GAA: variants seen among roughly 807,000 people sequenced by gnomAD.
GAA encodes lysosomal alpha-glucosidase.
In GAA, 88 loss-of-function variants were observed where a neutral mutation model predicts 103.9. The ratio of observed to expected loss-of-function variants is 0.85; its 90% CI spans 0.71 to 1.01. GAA has a LOEUF of 1.01. Among genes scored for constraint, GAA ranks in the 50% least tolerant of loss-of-function variants. The pLI is 0.00. For synonymous variants in GAA, 572 were observed against 563.1 expected, an observed-to-expected ratio of 1.02 and a Z score of -0.22; for missense variants, 1,350 against 1,305.3, an observed-to-expected ratio of 1.03 and a Z score of -0.53.
In GAA at chr17:80,110,727, G is replaced by A. The variant is rs769574574; in HGVS notation, c.1438G>A (p.Val480Ile). 8.7e-6 allele frequency: 14 copies of A among 1,613,688 alleles called. No individual in the cohort carries two copies. The South Asian group carries it at 9.9e-5, about 11-fold the overall frequency. The change falls in exon 10 of 20, where the codon GTA becomes ATA. Residue 480 changes from valine to isoleucine, a missense_variant and splice_region_variant. By Grantham distance (29) the Val-to-Ile change is conservative (BLOSUM62 3). Transcript: ENST00000302262. ...CCCACTGCAGCCTCTCGTTGTCCAG[G>A]TATGGCCCGGGTCCACTGCCTTCCC... ...NETGQPLIGK[V>I]WPGSTAFPDF...
intron 19 of GAA, among the ~76,000 whole-genome samples, 192 bp downstream of exon 19, chr17:80,118,997 G>A (rs149867869): frequency 1.7e-3 from 257 of 152,336 alleles, no homozygotes; most frequent in Middle Eastern, 6.8e-3. Flanking sequence ...CTACACGTGG[G>A]TGATGGGGCC....
chr17:80,102,323 T>C (rs995763015), intron 1 of GAA: 1 of 152,260 alleles, frequency 6.6e-6, no homozygotes, highest in African/African-American at 2.4e-5. Flanking sequence ...CTCTGGTCTT[T>C]GTCCCTGGTT....
chr17:80,105,715 G>A lies in GAA; in HGVS notation c.547-34G>A, dbSNP rs1429324086. On this transcript the variant is annotated intron_variant, in intron 2 of 19. Coordinates refer to ENST00000302262, the MANE Select transcript of GAA (RefSeq NM_000152.5). ...TTGTTCTCTGGAGAGTAAGGTGGCT[G>A]TGGGGAACATCAATAAACCCCCATC... 6 of 1,610,136 alleles carry A rather than the reference G, an allele frequency of 3.7e-6. No individual in the cohort carries two copies. In the African/African-American group the frequency reaches 5.3e-5, roughly 14 times the overall value.
In GAA at chr17:80,104,946, C is replaced by A; in HGVS notation, c.360C>A (p.Ala120=). 2 of 1,612,468 alleles carry A rather than the reference C, an allele frequency of 1.2e-6. No homozygotes were observed. The highest frequency in any genetic ancestry group is 1.7e-6 in the Non-Finnish European group (2 of 1,179,824). ...CTGCAAAGCAGGGGCTGCAGGGAGC[C>A]CAGATGGGGCAGCCCTGGTGCTTCT... The part of the protein sequence containing the change: ...YIPAKQGLQG[A]QMGQPWCFFP... The change falls in exon 2 of 20, where the codon GCC becomes GCA. Residue 120 remains alanine (A), a synonymous_variant. Coordinates refer to ENST00000302262, the MANE Select transcript of GAA (RefSeq NM_000152.5). The surrounding 1 kb of genome is among the most constrained non-coding windows in gnomAD (Gnocchi z 4.0).
chr17:80,113,715 A>T (rs2039300679), intron 15 of GAA, among the ~76,000 whole-genome samples: 1 of 152,142 alleles, frequency 6.6e-6, no homozygotes, highest in Non-Finnish European at 1.5e-5. Flanking sequence ...TAAATAGTTA[A>T]TGTCAAAAAT....
chr17:80,103,285 C>G (rs953053635), intron 1 of GAA, among the ~76,000 whole-genome samples: 1 of 152,236 alleles, frequency 6.6e-6, no homozygotes, highest in Non-Finnish European at 1.5e-5. Flanking sequence ...GCCCGTTCCT[C>G]AGAGACGCAG....
Position 80,117,683 on chromosome 17 carries a change from G to T in GAA, c.2415G>T (p.Val805=), listed in dbSNP as rs150536507. 3 of 1,612,436 alleles carry T rather than the reference G, an allele frequency of 1.9e-6. No homozygotes were observed. The African/African-American group carries it at 4.0e-5, about 22-fold the overall frequency. ...EPAIHSEGQW[V]TLPAPLDTIN... ...CCATCCACAGCGAGGGGCAGTGGGT[G>T]ACGCTGCCGGCCCCCCTGGACACCA... The change falls in exon 17 of 20, where the codon GTG becomes GTT. Residue 805 remains valine (V), a synonymous_variant. Coordinates refer to ENST00000302262, the MANE Select transcript of GAA (RefSeq NM_000152.5).
chr17:80,117,031 C>T lies in GAA; in HGVS notation c.2253C>T (p.Leu751=), dbSNP rs140441758. ...AGCTCCTGTGGGGGGAGGCCCTGCT[C>T]ATCACCCCAGTGCTCCAGGCCGGGA... ...DHQLLWGEAL[L]ITPVLQAGKA... The change falls in exon 16 of 20, where the codon CTC becomes CTT. Residue 751 remains leucine, a synonymous_variant. Coordinates refer to ENST00000302262, the MANE Select transcript of GAA (RefSeq NM_000152.5). The T allele has an allele frequency of 2.9e-5, 47 of 1,613,528 alleles. No homozygotes were observed. In the African/African-American group the frequency reaches 5.1e-4, roughly 17 times the overall value.
intron 15 of GAA, among the ~76,000 whole-genome samples, chr17:80,113,688 A>G (rs1444640814): frequency 6.6e-6 from 1 of 152,354 alleles, no homozygotes; most frequent in South Asian, 2.1e-4. Flanking sequence ...CCATAGAAAC[A>G]TAAGTTCCAG....
At position 80,112,913 on chromosome 17, in the gene GAA, C is replaced by G. The variant is rs1346499760; in HGVS notation, c.1926C>G (p.Val642=). The G allele has an allele frequency of 6.2e-7, 1 of 1,610,400 alleles. No homozygotes were observed. Among genetic ancestry groups the G allele is most frequent in the Non-Finnish European group, 8.5e-7 (1 of 1,178,732 alleles). The change falls in exon 14 of 20, where the codon GTC becomes GTG. Residue 642 remains valine (V), a synonymous_variant. Transcript: ENST00000302262. Reference sequence around the variant, plus strand: ...TTAACCTGCTGGGGGTGCCTCTGGTCGGGGCCGACGTCTGCGGCTTCCTGG... The same window carrying G: ...TTAACCTGCTGGGGGTGCCTCTGGTGGGGGCCGACGTCTGCGGCTTCCTGG... ...LQFNLLGVPL[V]GADVCGFLGN...
intron 3 of GAA, 69 bp downstream of exon 3, chr17:80,105,963 C>A (rs944944668): frequency 7.2e-6 from 11 of 1,521,348 alleles, no homozygotes; most frequent in Non-Finnish European, 8.8e-6. Flanking sequence ...CAGGGAGGGC[C>A]ACACGCGTTT....
intron 8 of GAA, 132 bp from the exon 9 acceptor site, chr17:80,109,813 G>C: frequency 1.5e-6 from 1 of 678,368 alleles, no homozygotes; most frequent in East Asian, 2.7e-5. Context: ...GCATGTGCAG[G>C]TACACAGGCA....
chr17:80,117,725 GGCT>G lies in GAA; in HGVS notation c.2459_2461del (p.Ala820del), dbSNP rs1182634884. The G allele has an allele frequency of 8.1e-6, 13 of 1,611,134 alleles. No individual in the cohort carries two copies. Among genetic ancestry groups the G allele is most frequent in the Non-Finnish European group, 1.1e-5 (13 of 1,179,452 alleles). ...TGGACACCATCAACGTCCACCTCCG[GGCT>G]GGGTACATCATCCCCCTGCAGGTAC... On this transcript the variant is annotated inframe_deletion, in exon 17 of 20. Coordinates refer to ENST00000302262, the MANE Select transcript of GAA (RefSeq NM_000152.5).
rs1475558767 is a variant in GAA at position 80,103,865 on chromosome 17, G to C, written c.-32-690G>C. Among the ~76,000 whole-genome samples, 4 of 152,202 alleles carry C rather than the reference G, an allele frequency of 2.6e-5. No individual in the cohort carries two copies. The East Asian group carries it at 7.7e-4, about 29-fold the overall frequency. On this transcript the variant is annotated intron_variant, in intron 1 of 19. Coordinates refer to ENST00000302262, the MANE Select transcript of GAA (RefSeq NM_000152.5). ...CCCACTGTGGTATGTCCGTGCACCA[G>C]TCAATAGGAAAGGGAGCAAGGAAAG...
At position 80,107,572 on chromosome 17, in the gene GAA, G is replaced by A. The variant is rs1308198041; in HGVS notation, c.708G>A (p.Val236=). ...LDGRVLLNTT[V]APLFFADQFL... ...TGTCCCGCAGGCTGAACACGACGGT[G>A]GCGCCCCTGTTCTTTGCGGACCAGT... The change falls in exon 4 of 20, where the codon GTG becomes GTA. Residue 236 remains valine, a synonymous_variant. Coordinates refer to ENST00000302262, the MANE Select transcript of GAA (RefSeq NM_000152.5). The A allele has an allele frequency of 6.2e-7, 1 of 1,613,112 alleles. No individual in the cohort carries two copies. The highest frequency in any genetic ancestry group is 1.1e-5 in the South Asian group (1 of 91,084).
chr17:80,118,136 A>T, intron 17 of GAA, 57 bp from the exon 18 acceptor site: 1 of 1,589,282 alleles, frequency 6.3e-7, no homozygotes, highest in Non-Finnish European at 8.6e-7. Context: ...CGGGCCCTGG[A>T]GGCCTCCACC....
chr17:80,106,250 C>A (rs1013817330), intron 3 of GAA, among the ~76,000 whole-genome samples: 1 of 152,216 alleles, frequency 6.6e-6, no homozygotes, highest in African/African-American at 2.4e-5. Context: ...TGTCCACGCA[C>A]TGACCCTCCG....
intron 10 of GAA, 36 bp downstream of exon 10, chr17:80,110,876 T>C: frequency 6.2e-7 from 1 of 1,610,086 alleles, no homozygotes; most frequent in South Asian, 1.1e-5. Flanking sequence ...CCCCAAGGCC[T>C]CTGGGGACTA....
rs786204304 is a variant in GAA at position 80,117,727 on chromosome 17, C to T, written c.2459C>T (p.Ala820Val). The change falls in exon 17 of 20, where the codon GCT (alanine) becomes GTT (valine). Residue 820 changes from alanine to valine, a missense_variant. By Grantham distance (64) the Ala-to-Val change is moderately conservative. Coordinates refer to ENST00000302262, the MANE Select transcript of GAA (RefSeq NM_000152.5). ...PLDTINVHLRAGYIIPLQGPG... is the reference protein window; with the variant it reads ...PLDTINVHLRVGYIIPLQGPG... ...GACACCATCAACGTCCACCTCCGGG[C>T]TGGGTACATCATCCCCCTGCAGGTA... is the stretch of plus-strand genomic sequence containing the variant. The T allele has an allele frequency of 1.9e-6, 3 of 1,610,792 alleles. No individual in the cohort carries two copies. Among genetic ancestry groups the T allele is most frequent in the Admixed American group, 3.3e-5 (2 of 59,732 alleles).
Sources: allele counts gnomAD v4.1 joint callset (sites outside exome capture counted in the v4.1 genomes callset), GRCh38; gene constraint gnomAD v4.1.1; non-coding constraint Gnocchi (gnomAD v3.1); transcripts MANE v1.5; gene names NCBI Gene and HGNC (gene_info 2026-07-23, HGNC 2026-07-21).